Variants in SASS6 observed in about 807,000 individuals in gnomAD.
SASS6 encodes spindle assembly abnormal protein 6 homolog.
SASS6 carries 59 observed loss-of-function variants against 94.9 expected under a neutral mutation model. The observed-to-expected ratio is 0.62, with a 90% CI of 0.50 to 0.77. The LOEUF (loss-of-function observed/expected upper bound fraction) is 0.77. SASS6 is among the 30% of genes least tolerant of loss of function. The pLI is 0.00. For synonymous variants in SASS6, 264 were observed against 270.0 expected, an observed-to-expected ratio of 0.98 and a Z score of 0.22; for missense variants, 698 against 734.1, an observed-to-expected ratio of 0.95 and a Z score of 0.57.
At chr1:100,109,942 TGA>T (rs144938266) in intron 8 of SASS6, among the ~76,000 whole-genome samples, 1 of 152,080 alleles carries the variant, frequency 6.6e-6, no homozygotes, top group East Asian at 1.9e-4. Flanking sequence ...CATAATTGTT[TGA>T]TATATGTTAA....
chr1:100,089,934 C>T (rs1252874234), intron 14 of SASS6, among the ~76,000 whole-genome samples: 1 of 149,886 alleles, frequency 6.7e-6, no homozygotes, highest in Non-Finnish European at 1.5e-5. Flanking sequence ...AACAAAGATA[C>T]AAGTAAAATT....
intron 14 of SASS6, among the ~76,000 whole-genome samples, chr1:100,093,174 CTTTTTTTTTTTTTT>C (rs909537970): frequency 2.3e-5 from 2 of 87,422 alleles, no homozygotes; most frequent in Admixed American, 1.5e-4. Context: ...CTATTGTTTT[CTTTTTTTTTTTTTT>C]TTTTTTTTTT....
At position 100,085,504 on chromosome 1, in the gene SASS6, TAA is replaced by T. The variant is rs1651178612; in HGVS notation, c.1867+30_1867+31del. 2.5e-6 allele frequency: 4 copies of T among 1,581,642 alleles called. No homozygotes were observed. In the African/African-American group the frequency reaches 5.4e-5, roughly 21 times the overall value. On this transcript the variant is annotated intron_variant, in intron 16 of 16. Coordinates refer to ENST00000287482, the MANE Select transcript of SASS6 (RefSeq NM_194292.3). ...TCATACATTAAATTTAATTCAACTA[TAA>T]AGTACAAAAATCCAGAAATCCCTGC...
chr1:100,104,693 C>T (rs1447688130), intron 13 of SASS6, among the ~76,000 whole-genome samples: 1 of 152,014 alleles, frequency 6.6e-6, no homozygotes, highest in Non-Finnish European at 1.5e-5. Flanking sequence ...AACTCCTGAC[C>T]TCAGGTGATC....
At position 100,119,096 on chromosome 1, in the gene SASS6, A is replaced by G. The variant is rs1475447708; in HGVS notation, c.591T>C (p.Asn197=). 1 of 1,579,760 alleles carries G rather than the reference A, an allele frequency of 6.3e-7. No homozygotes were observed. The highest frequency in any genetic ancestry group is 8.7e-7 in the Non-Finnish European group (1 of 1,156,022). Residue 197 remains asparagine (N), a synonymous_variant, in exon 7 of 17, where the codon AAT becomes AAC. Transcript: ENST00000287482. ...EKKQELDKLR[N]EWASHTAALT... Reference sequence around the variant, plus strand: ...AGGCTGCTGTATGTGACGCCCATTCATTCCGTAACTTATCTAATTCTTGTT... The same window carrying G: ...AGGCTGCTGTATGTGACGCCCATTCGTTCCGTAACTTATCTAATTCTTGTT...
chr1:100,089,572 TTCA>T (rs1224151707), intron 14 of SASS6, among the ~76,000 whole-genome samples: 2 of 152,140 alleles, frequency 1.3e-5, no homozygotes, highest in African/African-American at 4.8e-5. Context: ...CCAGAAAGTA[TTCA>T]ATCCAGGCAA....
intron 1 of SASS6, among the ~76,000 whole-genome samples, chr1:100,127,828 G>C (rs1211898373): frequency 6.6e-6 from 1 of 151,760 alleles, no homozygotes. Context: ...TTTCGTGGTG[G>C]GGTGGGGGAG....
intron 14 of SASS6, among the ~76,000 whole-genome samples, chr1:100,097,007 C>A (rs142580229): frequency 6.6e-6 from 1 of 152,026 alleles, no homozygotes; most frequent in South Asian, 2.1e-4. Context: ...CCCAGCTACT[C>A]GGGAGGCTGA....
At chr1:100,104,934 C>A (rs552930334) in intron 13 of SASS6, among the ~76,000 whole-genome samples, 3 of 152,142 alleles carry the variant, frequency 2.0e-5, no homozygotes, top group African/African-American at 7.2e-5. Flanking sequence ...GCCTCGGCAA[C>A]AGAGTGAGGT....
At chr1:100,131,068 A>G (rs1292279991) in intron 1 of SASS6, among the ~76,000 whole-genome samples, 2 of 152,256 alleles carry the variant, frequency 1.3e-5, no homozygotes, top group African/African-American at 2.4e-5. Context: ...AGGAGTTTCC[A>G]TATTGAAACC....
rs190046892 is a variant in SASS6, at chr1:100,091,377, A to T, written c.1675-3141T>A. 6.1e-4 allele frequency among the ~76,000 whole-genome samples: 92 copies of T among 151,604 alleles called. 1 individual carries two copies. The highest frequency in any genetic ancestry group is 1.9e-3 in the East Asian group (10 of 5,168). On this transcript the variant is annotated intron_variant, in intron 14 of 16. Coordinates refer to ENST00000287482, the MANE Select transcript of SASS6 (RefSeq NM_194292.3). ...ACCTAACAAGACTGATTGTTTGCTTAAAAAAAAATCACATTCTCCTCAGGA... is the reference window on the plus strand; with the variant it reads ...ACCTAACAAGACTGATTGTTTGCTTTAAAAAAAATCACATTCTCCTCAGGA...
rs1171248137 is a variant in SASS6, at chr1:100,100,062, T to TA, written c.1674+2892dup. Among the ~76,000 whole-genome samples the TA allele has an allele frequency of 6.6e-5, 10 of 152,058 alleles. No individual in the cohort carries two copies. The East Asian group carries it at 7.7e-4, about 12-fold the overall frequency. ...AGGTGGATCACTTGAGGTCAGGAGT[T>TA]AGAGATCAGCCTGACCAACATGGTG... On this transcript the variant is annotated intron_variant, in intron 14 of 16. Coordinates refer to ENST00000287482, the MANE Select transcript of SASS6 (RefSeq NM_194292.3).
intron 12 of SASS6, 147 bp from the exon 13 acceptor site, chr1:100,106,050 T>C (rs1232361180): frequency 4.1e-6 from 2 of 486,862 alleles, no homozygotes; most frequent in Non-Finnish European, 6.7e-6. Flanking sequence ...TAGGTTCACC[T>C]AAATTTTTGT....
intron 7 of SASS6, among the ~76,000 whole-genome samples, chr1:100,117,205 T>C (rs1177374940): frequency 6.6e-6 from 1 of 151,290 alleles, no homozygotes; most frequent in Non-Finnish European, 1.5e-5. Context: ...GGTAGGAGAA[T>C]TGCTTGAACC....
At chr1:100,091,758 T>C (rs984932566) in intron 14 of SASS6, among the ~76,000 whole-genome samples, 2 of 149,206 alleles carry the variant, frequency 1.3e-5, no homozygotes, top group African/African-American at 4.9e-5. Flanking sequence ...ATAGAAATAA[T>C]CAAATCTGAA....
At chr1:100,093,174 C>CTTTTTTTTTTTTTTTTTT (rs909537970) in intron 14 of SASS6, among the ~76,000 whole-genome samples, 1 of 87,422 alleles carries the variant, frequency 1.1e-5, no homozygotes, top group African/African-American at 4.5e-5. Context: ...CTATTGTTTT[C>CTTTTTTTTTTTTTTTTTT]TTTTTTTTTT....
intron 12 of SASS6, among the ~76,000 whole-genome samples, chr1:100,106,389 C>T (rs1248524508): frequency 2.6e-5 from 4 of 152,022 alleles, no homozygotes; most frequent in Non-Finnish European, 4.4e-5. Context: ...GGGTTACTGA[C>T]CTATGGGATA....
At chr1:100,101,526 C>G (rs1216603980) in intron 14 of SASS6, among the ~76,000 whole-genome samples, 1 of 151,966 alleles carries the variant, frequency 6.6e-6, no homozygotes, top group East Asian at 1.9e-4. Flanking sequence ...GCAACTGTCT[C>G]TAGTAGTACT....
At chr1:100,097,829 CA>C (rs200196662) in intron 14 of SASS6, among the ~76,000 whole-genome samples, 1 of 149,336 alleles carries the variant, frequency 6.7e-6, no homozygotes, top group Non-Finnish European at 1.5e-5. Context: ...GATTTTATCT[CA>C]AAAAAAAAGA....
Sources: allele counts gnomAD v4.1 joint callset (sites outside exome capture counted in the v4.1 genomes callset), GRCh38; gene constraint gnomAD v4.1.1; transcripts MANE v1.5; gene names NCBI Gene and HGNC (gene_info 2026-07-23, HGNC 2026-07-21).